HEG1: variants seen among roughly 807,000 people sequenced by gnomAD.
HEG1 encodes the protein heart development protein with EGF like domains 1, also known as protein HEG homolog 1.
HEG1 carries 56 observed loss-of-function variants against 125.6 expected under a neutral mutation model. That is an observed-to-expected ratio of 0.45 (90% CI 0.36 to 0.56). The LOEUF is 0.56. Ranked by LOEUF, HEG1 falls within the 20% of genes least tolerant of loss-of-function variation. The pLI is 0.00. For synonymous variants in HEG1, 644 were observed against 668.5 expected (o/e 0.96, Z 0.57); for missense variants, 1,523 against 1,670.0 (o/e 0.91, Z 1.53).
intron 5 of HEG1, among the ~76,000 whole-genome samples, chr3:125,016,830 A>G (rs1370407425): frequency 6.6e-6 from 1 of 152,246 alleles, no homozygotes; most frequent in Non-Finnish European, 1.5e-5. Flanking sequence ...TATACTTTAC[A>G]TTGATAACAG....
chr3:125,054,620 A>G (rs770430215), intron 1 of HEG1, among the ~76,000 whole-genome samples: 4 of 152,214 alleles, frequency 2.6e-5, no homozygotes, highest in Non-Finnish European at 5.9e-5. Context: ...AATAGCCCGG[A>G]CAGAGCATAT....
At chr3:124,972,677 C>T (rs1412213422) in intron 16 of HEG1, among the ~76,000 whole-genome samples, 2 of 152,178 alleles carry the variant, frequency 1.3e-5, no homozygotes, top group South Asian at 2.1e-4. Context: ...CCACATGGCA[C>T]GAGAAGTCAC....
At chr3:125,021,368 G>C (rs563428125) in intron 3 of HEG1, among the ~76,000 whole-genome samples, 77 of 152,022 alleles carry the variant, frequency 5.1e-4, no homozygotes, top group African/African-American at 1.8e-3. Flanking sequence ...CCCTCACCAG[G>C]CACAATGAGA....
At chr3:125,040,021 G>A (rs1937580055) in intron 1 of HEG1, among the ~76,000 whole-genome samples, 1 of 152,206 alleles carries the variant, frequency 6.6e-6, no homozygotes, top group Non-Finnish European at 1.5e-5. Context: ...GACTGAGCAA[G>A]AGGACTTCTA....
At chr3:124,996,662 G>C (rs2107694096) in intron 12 of HEG1, among the ~76,000 whole-genome samples, 1 of 152,324 alleles carries the variant, frequency 6.6e-6, no homozygotes, top group Middle Eastern at 3.4e-3. Context: ...CAGGATAAGA[G>C]TGCTGCCCTG....
chr3:124,987,323 C>A (rs967274983), intron 14 of HEG1, among the ~76,000 whole-genome samples: 1 of 152,174 alleles, frequency 6.6e-6, no homozygotes, highest in Non-Finnish European at 1.5e-5. Flanking sequence ...CAGGTCATAT[C>A]TCTTACCTCC....
rs564986804 is a variant in HEG1, at chr3:124,969,179, G to A, written c.*1473C>T. On this transcript the variant is annotated 3_prime_UTR_variant, in exon 17 of 17. Transcript: ENST00000311127. ...GGGTGGAGACAATTCTTTTACCTCTGTATTCCCCTCACTTCATCCAAAACC... is the reference window on the plus strand; with the variant it reads ...GGGTGGAGACAATTCTTTTACCTCTATATTCCCCTCACTTCATCCAAAACC... The A allele has an allele frequency of 1.2e-4, 18 of 152,202 alleles. No individual in the cohort carries two copies. The highest frequency in any genetic ancestry group is 2.2e-4 in the Non-Finnish European group (15 of 68,060). 9.4% of individuals were successfully genotyped at this position (152,202 alleles called of 1,614,324 possible).
intron 14 of HEG1, 105 bp downstream of exon 14, chr3:124,990,682 G>T: frequency 9.2e-7 from 1 of 1,091,522 alleles, no homozygotes; most frequent in Non-Finnish European, 1.3e-6. Context: ...AACCTAAGAA[G>T]ACAGCAGGTG....
intron 14 of HEG1, among the ~76,000 whole-genome samples, chr3:124,987,952 C>CACACACACACACACACACACACACACAT: frequency 3.7e-5 from 2 of 54,698 alleles, no homozygotes; most frequent in African/African-American, 9.5e-5. Context: ...CACACACACA[C>CACACACACACACACACACACACACACAT]ATATATATAT....
At chr3:124,991,066 A>G (rs1936825955) in intron 12 of HEG1, 80 bp from the exon 13 acceptor site, 3 of 1,071,202 alleles carry the variant, frequency 2.8e-6, no homozygotes, top group Non-Finnish European at 4.1e-6. Context: ...CAGCCACCCT[A>G]AAGTCCACAA....
intron 1 of HEG1, among the ~76,000 whole-genome samples, chr3:125,050,606 A>G (rs1376598941): frequency 6.6e-6 from 1 of 152,096 alleles, no homozygotes; most frequent in African/African-American, 2.4e-5. Flanking sequence ...GGTCAGTATG[A>G]TCTCCTGTGG....
At chr3:124,993,918 T>A (rs1304023703) in intron 12 of HEG1, among the ~76,000 whole-genome samples, 1 of 152,158 alleles carries the variant, frequency 6.6e-6, no homozygotes, top group East Asian at 1.9e-4. Context: ...CCGTTACGCA[T>A]CAGTGGTTGA....
intron 1 of HEG1, among the ~76,000 whole-genome samples, chr3:125,052,375 T>C (rs1937833858): frequency 1.3e-5 from 2 of 152,304 alleles, no homozygotes; most frequent in South Asian, 4.1e-4. Context: ...CGACAGCTAT[T>C]TAACAGCTCA....
At chr3:125,026,537 A>C (rs945640717) in intron 3 of HEG1, among the ~76,000 whole-genome samples, 1 of 152,124 alleles carries the variant, frequency 6.6e-6, no homozygotes, top group African/African-American at 2.4e-5. Context: ...CTCCTGCATT[A>C]TATCTGCTTT....
chr3:125,038,381 C>G (rs1937565733), intron 1 of HEG1, among the ~76,000 whole-genome samples: 1 of 152,214 alleles, frequency 6.6e-6, no homozygotes, highest in South Asian at 2.1e-4. Flanking sequence ...CCCAAAAGAA[C>G]AATATCCCAC....
chr3:125,037,391 C>A (rs559859336), intron 1 of HEG1, among the ~76,000 whole-genome samples: 60 of 152,310 alleles, frequency 3.9e-4, no homozygotes, highest in African/African-American at 1.4e-3. Flanking sequence ...AGAAAGTTGG[C>A]TCATGCAACT....
chr3:125,021,652 T>C (rs556340492), intron 3 of HEG1, among the ~76,000 whole-genome samples: 2 of 152,336 alleles, frequency 1.3e-5, no homozygotes, highest in South Asian at 4.1e-4. Context: ...GCTGGGACAC[T>C]CATGGCCTAG....
In HEG1 at chr3:125,027,227, A is replaced by G; in HGVS notation, c.891T>C (p.Ser297=). The change falls in exon 3 of 17, where the codon TCT becomes TCC. Residue 297 remains serine, a synonymous_variant. Coordinates refer to ENST00000311127, the MANE Select transcript of HEG1 (RefSeq NM_020733.2). ...WLHFYRTAAS[S]PLLDLSSSSE... is the part of the protein sequence containing the mutation. ...CACATGAGGAAAGGTCTAAGAGAGG[A>G]GAGGAAGCTGCTGTCCTGTAGAAAT... 6.2e-7 allele frequency: 1 copy of G among 1,608,848 alleles called. No individual in the cohort carries two copies. The highest frequency in any genetic ancestry group is 1.1e-5 in the South Asian group (1 of 89,704).
At chr3:124,976,658 C>A (rs180738956) in intron 15 of HEG1, among the ~76,000 whole-genome samples, 21 of 152,192 alleles carry the variant, frequency 1.4e-4, no homozygotes, top group Middle Eastern at 3.4e-3. Context: ...GAAATTTAAT[C>A]CCCAGTGTGG....
Sources: allele counts gnomAD v4.1 joint callset (sites outside exome capture counted in the v4.1 genomes callset), GRCh38; gene constraint gnomAD v4.1.1; transcripts MANE v1.5; gene names NCBI Gene and HGNC (gene_info 2026-07-23, HGNC 2026-07-21).